ATXN1: variants seen among roughly 807,000 people sequenced by gnomAD.
ATXN1 encodes ataxin 1.
A neutral mutation model predicts 56.4 loss-of-function variants in ATXN1; 8 were observed. That is an observed-to-expected ratio of 0.14 (90% CI 0.08 to 0.26). The LOEUF (loss-of-function observed/expected upper bound fraction) is 0.26, where lower values mean the gene tolerates loss of function less well. ATXN1 is among the 10% of genes least tolerant of loss of function. The pLI, the probability that ATXN1 is intolerant of heterozygous loss-of-function variation, is 1.00. For missense variants in ATXN1, 987 were observed against 1,106.5 expected (o/e 0.89, Z 1.53); for synonymous variants, 514 against 494.6 (o/e 1.04, Z -0.52).
chr6:16,572,555 T>C (rs1438776288), intron 4 of ATXN1, among the ~76,000 whole-genome samples: 1 of 152,108 alleles, frequency 6.6e-6, no homozygotes, highest in Non-Finnish European at 1.5e-5. Flanking sequence ...TAAAAAAATA[T>C]GGTTATTCTT....
In ATXN1 at chr6:16,299,284, G is replaced by C. The variant is rs778435564; in HGVS notation, c.*7045C>G. The C allele has an allele frequency of 1.3e-5, 2 of 152,128 alleles. No individual in the cohort carries two copies. The highest frequency in any genetic ancestry group is 1.5e-5 in the Non-Finnish European group (1 of 67,944). 9.4% of individuals were successfully genotyped at this position (152,128 alleles called of 1,614,324 possible). ...AACCTGCAAGCACCATCAAAGAAAGGGACCATAAAATTCAATAAACAGACT... is the reference window on the plus strand; with the variant it reads ...AACCTGCAAGCACCATCAAAGAAAGCGACCATAAAATTCAATAAACAGACT... On this transcript the variant is annotated 3_prime_UTR_variant, in exon 8 of 8. Coordinates refer to ENST00000436367, the MANE Select transcript of ATXN1 (RefSeq NM_001128164.2).
intron 3 of ATXN1, among the ~76,000 whole-genome samples, chr6:16,630,505 G>C (rs1763485942): frequency 6.6e-6 from 1 of 152,184 alleles, no homozygotes. Context: ...AAAGCTAACA[G>C]AAGTGACCAC....
intron 2 of ATXN1, among the ~76,000 whole-genome samples, chr6:16,684,149 T>A (rs1204818461): frequency 1.3e-5 from 2 of 152,188 alleles, no homozygotes; most frequent in Non-Finnish European, 2.9e-5. Context: ...CAGACATATT[T>A]CTCAGATCTC....
chr6:16,705,203 T>C (rs1174621627), intron 2 of ATXN1, among the ~76,000 whole-genome samples: 1 of 152,162 alleles, frequency 6.6e-6, no homozygotes, highest in Non-Finnish European at 1.5e-5. Flanking sequence ...GCAAAGAAAT[T>C]AATGATACAG....
chr6:16,456,512 G>A (rs1759877392), intron 6 of ATXN1, among the ~76,000 whole-genome samples: 1 of 152,144 alleles, frequency 6.6e-6, no homozygotes, highest in South Asian at 2.1e-4. Context: ...GCACTTCCGG[G>A]CTAAGCCTAG....
chr6:16,500,704 A>G (rs982491996), intron 5 of ATXN1, among the ~76,000 whole-genome samples: 2 of 150,068 alleles, frequency 1.3e-5, no homozygotes, highest in Non-Finnish European at 3.0e-5. Context: ...ATGTGATAAG[A>G]CTGGTAAAAG....
At chr6:16,700,712 C>T (rs533756846) in intron 2 of ATXN1, among the ~76,000 whole-genome samples, 31 of 152,158 alleles carry the variant, frequency 2.0e-4, no homozygotes, top group African/African-American at 7.0e-4. Context: ...AACTGCTCAC[C>T]GATGGGAATT....
In ATXN1 at chr6:16,328,102, C is replaced by T. The variant is rs1305953474; in HGVS notation, c.209G>A (p.Gly70Asp). ...GTGTAAACCTATTCCCTGTTGTAAA[C>T]CAAGCTCCACCGAGGTCCCTGCCGG... ...HGPAGTSVEL[G>D]LQQGIGLHKA... is the part of the protein sequence containing the mutation. The change falls in exon 7 of 8, where the codon GGT becomes GAT. Residue 70 changes from glycine to aspartate, a missense_variant. By Grantham distance (94) the Gly-to-Asp change is moderately conservative (BLOSUM62 -1). Around this residue, in one of 3 missense-constraint regions of ATXN1, gnomAD observed 723 missense variants for 791.7 expected, o/e 0.91. Coordinates refer to ENST00000436367, the MANE Select transcript of ATXN1 (RefSeq NM_001128164.2). This position sits in a 1 kb window ranked among gnomAD's most constrained non-coding sequence, Gnocchi z 6.2. The T allele has an allele frequency of 6.3e-7, 1 of 1,598,900 alleles. No homozygotes were observed. The highest frequency in any genetic ancestry group is 8.6e-7 in the Non-Finnish European group (1 of 1,169,392).
intron 6 of ATXN1, among the ~76,000 whole-genome samples, chr6:16,346,933 C>G (rs1456993088): frequency 1.3e-5 from 2 of 152,226 alleles, no homozygotes; most frequent in African/African-American, 4.8e-5. Context: ...TGGGCCAGCG[C>G]GCGTTCCAGG....
chr6:16,590,255 T>C (rs182260909), intron 3 of ATXN1, among the ~76,000 whole-genome samples: 218 of 152,332 alleles, frequency 1.4e-3, no homozygotes, highest in African/African-American at 5.0e-3. Context: ...TATTCTAATT[T>C]AGAATTGCAG....
At chr6:16,547,071 C>T (rs189089182) in intron 4 of ATXN1, among the ~76,000 whole-genome samples, 4 of 152,358 alleles carry the variant, frequency 2.6e-5, no homozygotes, top group Admixed American at 2.0e-4. Flanking sequence ...GAAACATTCC[C>T]TCTCTTTGTT....
chr6:16,503,506 C>T (rs1021532026), intron 5 of ATXN1, among the ~76,000 whole-genome samples: 4 of 152,150 alleles, frequency 2.6e-5, no homozygotes, highest in Non-Finnish European at 5.9e-5. Context: ...GCCAAGACAC[C>T]CCACAACTCT....
intron 4 of ATXN1, among the ~76,000 whole-genome samples, chr6:16,568,182 A>G (rs1037258680): frequency 3.9e-5 from 6 of 152,242 alleles, no homozygotes; most frequent in Admixed American, 2.6e-4. Flanking sequence ...CATGAATCCT[A>G]TTAAAGATAC....
rs558145183 is a variant in ATXN1, at chr6:16,442,674, T to C, written c.-161+43298A>G. Among the ~76,000 whole-genome samples, 7 of 152,212 alleles carry C rather than the reference T, an allele frequency of 4.6e-5. 1 individual carries two copies. The highest frequency in any genetic ancestry group is 1.4e-4 in the African/African-American group (6 of 41,526). ...CCAATAAACAACAGCTAAGAAAAGT[T>C]TGGGGGATAAGAAGGGTACCATATT... On this transcript the variant is annotated intron_variant, in intron 6 of 7. Coordinates refer to ENST00000436367, the MANE Select transcript of ATXN1 (RefSeq NM_001128164.2).
intron 2 of ATXN1, chr6:16,667,611 T>C (rs1195470333): frequency 6.6e-6 from 1 of 152,166 alleles, no homozygotes; most frequent in Non-Finnish European, 1.5e-5. Flanking sequence ...CCAGCCCGAA[T>C]CCCCTGTTTA....
At chr6:16,692,186 G>A (rs897378422) in intron 2 of ATXN1, among the ~76,000 whole-genome samples, 1 of 152,204 alleles carries the variant, frequency 6.6e-6, no homozygotes, top group Non-Finnish European at 1.5e-5. Context: ...AACCTGGGAG[G>A]CGGAGGTTGC....
At chr6:16,625,869 T>C (rs1285947604) in intron 3 of ATXN1, among the ~76,000 whole-genome samples, 2 of 152,180 alleles carry the variant, frequency 1.3e-5, no homozygotes, top group African/African-American at 4.8e-5. Context: ...GTACCAAGCA[T>C]TCCAGATACA....
chr6:16,654,883 A>G (rs1396832792), intron 3 of ATXN1, among the ~76,000 whole-genome samples: 2 of 152,184 alleles, frequency 1.3e-5, no homozygotes, highest in South Asian at 2.1e-4. Flanking sequence ...TTTCTACCAC[A>G]TTCATGTGGT....
At chr6:16,716,318 A>ATT (rs1759640658) in intron 2 of ATXN1, among the ~76,000 whole-genome samples, 3 of 152,230 alleles carry the variant, frequency 2.0e-5, no homozygotes, top group South Asian at 4.1e-4. Flanking sequence ...TGCCTGGGGA[A>ATT]GTCAGTTTGG....
Sources: gnomAD v4.1 joint callset for allele counts (sites outside exome capture counted in the v4.1 genomes callset) on GRCh38, gnomAD v4.1.1 for gene constraint, gnomAD v4.1.1 regional missense constraint, Gnocchi (gnomAD v3.1) non-coding constraint, MANE v1.5 for transcripts, NCBI Gene and HGNC (gene_info 2026-07-23, HGNC 2026-07-21) for gene names.